Variants in ABI3BP observed in about 807,000 individuals in gnomAD.
ABI3BP encodes the protein ABI family member 3 binding protein.
ABI3BP carries 216 observed loss-of-function variants against 268.6 expected under a neutral mutation model. The ratio of observed to expected loss-of-function variants is 0.80; its 90% CI spans 0.72 to 0.90. The LOEUF (loss-of-function observed/expected upper bound fraction) is 0.90, where lower values mean the gene tolerates loss of function less well. Among genes scored for constraint, ABI3BP ranks in the 40% least tolerant of loss-of-function variants. The probability of loss-of-function intolerance (pLI) is 0.00; values close to 1 mark genes in which losing one functional copy is unlikely to be tolerated. For missense variants in ABI3BP, 2,090 were observed against 2,182.4 expected (o/e 0.96, Z 0.84); for synonymous variants, 730 against 730.0 (o/e 1.00, Z 0.00).
chr3:100,770,579 T>C (rs945178392), intron 62 of ABI3BP, among the ~76,000 whole-genome samples, 164 bp downstream of exon 62: 3 of 152,178 alleles, frequency 2.0e-5, no homozygotes, highest in African/African-American at 7.2e-5. Flanking sequence ...TTTCTCATCC[T>C]ATGACATTGT....
intron 59 of ABI3BP, among the ~76,000 whole-genome samples, chr3:100,777,988 T>C (rs1410234314): frequency 6.6e-6 from 1 of 152,198 alleles, no homozygotes; most frequent in Non-Finnish European, 1.5e-5. Context: ...GTACAGCATC[T>C]TGTCCAAAAT....
At chr3:100,758,634 GA>G (rs1204777338) in intron 63 of ABI3BP, among the ~76,000 whole-genome samples, 1 of 151,860 alleles carries the variant, frequency 6.6e-6, no homozygotes, top group African/African-American at 2.4e-5. Context: ...CACAGGCTAA[GA>G]AAAAAATGTT....
intron 14 of ABI3BP, among the ~76,000 whole-genome samples, chr3:100,859,492 T>G (rs1378993069): frequency 6.6e-6 from 1 of 152,180 alleles, no homozygotes; most frequent in Non-Finnish European, 1.5e-5. Context: ...CTCAAAATAG[T>G]TGCTTTAGGA....
At chr3:100,864,650 GT>G (rs1240966766) in intron 11 of ABI3BP, 182 bp downstream of exon 11, 2 of 568,460 alleles carry the variant, frequency 3.5e-6, no homozygotes, top group Non-Finnish European at 6.2e-6. Flanking sequence ...CAGCCATGTG[GT>G]TAACTCTTCA....
Position 100,812,499 on chromosome 3 carries a change from G to A in ABI3BP, c.3389C>T (p.Thr1130Ile). The A allele has an allele frequency of 2.3e-6, 3 of 1,333,312 alleles. No homozygotes were observed. Among genetic ancestry groups the A allele is most frequent in the Non-Finnish European group, 1.9e-6 (2 of 1,042,550 alleles). The allele number at this position is 1,333,312 out of a possible 1,614,324, so 82.6% of individuals were successfully genotyped here. A position where few individuals can be genotyped will look rare whatever the true frequency, so the allele number is the denominator to read the frequency against. Residue 1130 changes from threonine (T) to isoleucine (I), a missense_variant, in exon 46 of 68, where the codon ACA (threonine) becomes ATA (isoleucine). Coordinates refer to ENST00000471714, the MANE Select transcript of ABI3BP (RefSeq NM_001375547.2). Reference sequence around the variant, plus strand: ...CTCCTTTGGTGACTCAGTACTAAGTGTAACCGATTCCAGAACATCAGAAAC... The same window carrying A: ...CTCCTTTGGTGACTCAGTACTAAGTATAACCGATTCCAGAACATCAGAAAC... ...QPVSDVLESV[T>I]LSTESPKETI...
intron 1 of ABI3BP, among the ~76,000 whole-genome samples, chr3:100,951,232 T>C (rs972028040): frequency 6.6e-6 from 1 of 151,902 alleles, no homozygotes; most frequent in African/African-American, 2.4e-5. Context: ...TGCCCTCACA[T>C]GTGTATGCAC....
At chr3:100,987,944 A>C (rs1266750155) in intron 1 of ABI3BP, among the ~76,000 whole-genome samples, 2 of 152,240 alleles carry the variant, frequency 1.3e-5, no homozygotes, top group Non-Finnish European at 2.9e-5. Context: ...AGAACTGTAA[A>C]AGATGCTAAA....
chr3:100,972,437 A>C (rs1467972045), intron 1 of ABI3BP, among the ~76,000 whole-genome samples: 2 of 152,192 alleles, frequency 1.3e-5, no homozygotes, highest in African/African-American at 4.8e-5. Flanking sequence ...TAAAACAACC[A>C]GGTTCCAACA....
chr3:100,752,892 A>T lies in ABI3BP; in HGVS notation c.5017T>A (p.Cys1673Ser). ...CTTTTGACATATTGTTTGCCCTTAC[A>T]CTCTGAGTAAGAGTCTGAATTAAAG... ...RPFNSDSYSECKGKQYVKRTW... is the reference protein window; with the variant it reads ...RPFNSDSYSESKGKQYVKRTW... Residue 1673 changes from cysteine (C) to serine (S), a missense_variant, in exon 66 of 68, where the codon TGT (cysteine) becomes AGT (serine). Physicochemically the swap from Cys to Ser is moderately radical, Grantham distance 112 (BLOSUM62 -1). Coordinates refer to ENST00000471714, the MANE Select transcript of ABI3BP (RefSeq NM_001375547.2). 7 of 1,613,436 alleles carry T rather than the reference A, an allele frequency of 4.3e-6. No individual in the cohort carries two copies.
rs547735201 is a variant in ABI3BP, at chr3:100,847,603, C to T, written c.1647G>A (p.Pro549=). The T allele has an allele frequency of 3.1e-5, 50 of 1,609,112 alleles. No individual in the cohort carries two copies. Among genetic ancestry groups the T allele is most frequent in the Middle Eastern group, 3.3e-4 (2 of 6,048 alleles). ...SKSPEPTWTT[P]APGKTQFISL... ...CTACTAAGGACATATCATTATTACC[C>T]GGTGTTGTCCATGTAGGTTCAGGGC... is the stretch of plus-strand genomic sequence containing the variant. The change falls in exon 19 of 68, where the codon CCG becomes CCA. Residue 549 remains proline, a splice_region_variant and synonymous_variant. Transcript: ENST00000471714.
chr3:100,819,964 A>G (rs1413803311), intron 40 of ABI3BP, among the ~76,000 whole-genome samples: 2 of 151,746 alleles, frequency 1.3e-5, no homozygotes, highest in Admixed American at 6.6e-5. Context: ...AAAAAAAAAA[A>G]AAAAAGAAAG....
intron 9 of ABI3BP, among the ~76,000 whole-genome samples, chr3:100,870,964 C>T (rs1010187515): frequency 1.3e-5 from 2 of 152,014 alleles, no homozygotes; most frequent in South Asian, 4.1e-4. Context: ...CATGATTTCA[C>T]TCATATGTGG....
intron 1 of ABI3BP, among the ~76,000 whole-genome samples, chr3:100,991,189 G>A (rs1391788478): frequency 6.6e-6 from 1 of 152,112 alleles, no homozygotes; most frequent in East Asian, 1.9e-4. Context: ...TAGACTAAGT[G>A]ATCATGAATA....
chr3:100,914,850 G>A (rs1298712307), intron 2 of ABI3BP, among the ~76,000 whole-genome samples: 3 of 152,148 alleles, frequency 2.0e-5, no homozygotes, highest in Admixed American at 6.5e-5. Context: ...TAAACAGAGG[G>A]TCATTTTAAA....
At chr3:100,772,422 T>C (rs2149985164) in intron 61 of ABI3BP, among the ~76,000 whole-genome samples, 1 of 152,312 alleles carries the variant, frequency 6.6e-6, no homozygotes, top group Non-Finnish European at 1.5e-5. Context: ...GTAATGTATA[T>C]AACATGTAAA....
At chr3:100,834,895 A>C in intron 28 of ABI3BP, 122 bp from the exon 29 acceptor site, 1 of 904,170 alleles carries the variant, frequency 1.1e-6, no homozygotes, top group Non-Finnish European at 1.6e-6. Context: ...TTTGGTTTAG[A>C]ATTTTCTTCT....
At chr3:100,851,743 T>C in intron 15 of ABI3BP, 132 bp downstream of exon 15, 2 of 705,158 alleles carry the variant, frequency 2.8e-6, no homozygotes, top group South Asian at 4.0e-5. Flanking sequence ...CACAACTCCC[T>C]GACACAGGTA....
Position 100,840,151 on chromosome 3 carries a change from G to A in ABI3BP, c.1818C>T (p.Thr606=). Residue 606 remains threonine (T), a synonymous_variant, in exon 23 of 68, where the codon ACC becomes ACT. Coordinates refer to ENST00000471714, the MANE Select transcript of ABI3BP (RefSeq NM_001375547.2). ...KPSTTLAPRK[T]KRPGRRPRPR... ...GGCGGGGGCGACGACCTGGTCTTTT[G>A]GTCTTTCGTGGTGCTGAAGAAAGAA... The A allele has an allele frequency of 6.5e-6, 10 of 1,531,640 alleles. No individual in the cohort carries two copies. The highest frequency in any genetic ancestry group is 8.7e-6 in the Non-Finnish European group (10 of 1,145,014). 94.9% of individuals were successfully genotyped at this position (1,531,640 alleles called of 1,614,324 possible).
chr3:100,937,916 T>A (rs534759021), intron 1 of ABI3BP, among the ~76,000 whole-genome samples: 6 of 152,032 alleles, frequency 3.9e-5, no homozygotes, highest in Non-Finnish European at 8.8e-5. Flanking sequence ...GTATATGACA[T>A]AGATTGTATT....
Sources: allele counts gnomAD v4.1 joint callset (sites outside exome capture counted in the v4.1 genomes callset), GRCh38; gene constraint gnomAD v4.1.1; transcripts MANE v1.5; gene names NCBI Gene and HGNC (gene_info 2026-07-23, HGNC 2026-07-21).